Variants in MAMSTR observed in about 807,000 individuals in gnomAD.
MAMSTR encodes MEF2-activating motif and SAP domain-containing transcriptional regulator.
In MAMSTR, 41 loss-of-function variants were observed where a neutral mutation model predicts 42.7. The ratio of observed to expected loss-of-function variants is 0.96; its 90% CI spans 0.75 to 1.25. The LOEUF (loss-of-function observed/expected upper bound fraction) is 1.25. MAMSTR is among the 50% of genes most tolerant of loss of function. The pLI is 0.00. For synonymous variants in MAMSTR, 265 were observed against 244.1 expected, an observed-to-expected ratio of 1.09 and a Z score of -0.80; for missense variants, 567 against 557.6, an observed-to-expected ratio of 1.02 and a Z score of -0.17.
intron 2 of MAMSTR, among the ~76,000 whole-genome samples, chr19:48,717,842 C>T (rs184421691): frequency 6.6e-6 from 1 of 152,098 alleles, no homozygotes; most frequent in Admixed American, 6.5e-5. Flanking sequence ...GTAGCTGGGA[C>T]TAGAGGTGCA....
downstream of MAMSTR, among the ~76,000 whole-genome samples, chr19:48,709,714 C>T (rs1357192866): frequency 1.3e-5 from 2 of 152,166 alleles, no homozygotes; most frequent in African/African-American, 4.8e-5. Flanking sequence ...CCAGAGCCCA[C>T]ACCCCATCCA....
In MAMSTR at chr19:48,713,789, G is replaced by A; in HGVS notation, c.910-19C>T. ...GAAGCAACTGCGGATGGAGAAATTT[G>A]GCGTGAACTCGGGACTGCGACCTGG... On this transcript the variant is annotated intron_variant, in intron 8 of 9. Transcript: ENST00000318083. 6.2e-7 allele frequency: 1 copy of A among 1,614,202 alleles called. No homozygotes were observed. Among genetic ancestry groups the A allele is most frequent in the South Asian group, 1.1e-5 (1 of 91,084 alleles).
At chr19:48,705,765 G>A in the MAMSTR span, 1 of 166,884 alleles carries the variant, frequency 6.0e-6, no homozygotes, top group Non-Finnish European at 1.5e-5. Flanking sequence ...CAGTCATGGA[G>A]TTGGGTATTC....
chr19:48,715,154 G>C, intron 5 of MAMSTR, 108 bp downstream of exon 5: 1 of 951,888 alleles, frequency 1.1e-6, no homozygotes, highest in Non-Finnish European at 1.6e-6. Flanking sequence ...CCTGGGAGAA[G>C]AGAGGGTTGG....
chr19:48,711,390 C>A (rs1342995510), downstream of MAMSTR, among the ~76,000 whole-genome samples: 2 of 152,312 alleles, frequency 1.3e-5, no homozygotes, highest in East Asian at 1.9e-4. Context: ...ATCTGATGTG[C>A]CATCTTGTAT....
rs2032779925 is a variant in MAMSTR, at chr19:48,713,086, C to T, written c.*181G>A. 1 of 567,538 alleles carries T rather than the reference C, an allele frequency of 1.8e-6. No individual in the cohort carries two copies. 35.2% of individuals were successfully genotyped at this position (567,538 alleles called of 1,614,324 possible). On this transcript the variant is annotated 3_prime_UTR_variant, in exon 10 of 10. Transcript: ENST00000318083. ...ACGCCGGAGGGGGATCATAAGGAGG[C>T]CAGGTAGGCAAAGTTAAGGCAGTTG...
downstream of MAMSTR, among the ~76,000 whole-genome samples, chr19:48,710,497 C>T (rs979270093): frequency 6.7e-6 from 1 of 148,152 alleles, no homozygotes; most frequent in East Asian, 2.0e-4. Context: ...TCATAGCTCA[C>T]TGCAACCTCA....
chr19:48,714,455 G>C lies in MAMSTR; in HGVS notation c.634C>G (p.Pro212Ala). 1 of 1,358,976 alleles carries C rather than the reference G, an allele frequency of 7.4e-7. No individual in the cohort carries two copies. The highest frequency in any genetic ancestry group is 9.4e-7 in the Non-Finnish European group (1 of 1,066,886). 84.2% of individuals were successfully genotyped at this position (1,358,976 alleles called of 1,614,324 possible). A position where few individuals can be genotyped will look rare whatever the true frequency, so the allele number is the denominator to read the frequency against. ...GGACTGTCCTCGCGCCGCGGCTTCG[G>C]CCGCTCGCGGGGCGGCGCGCCGCCG... ...MRGGAPPRER[P>A]KPRREDSPAG... is the part of the protein sequence containing the mutation. Residue 212 changes from proline to alanine, a missense_variant, in exon 7 of 10, where the codon CCG becomes GCG. By Grantham distance (27) the Pro-to-Ala change is conservative (BLOSUM62 -1). Coordinates refer to ENST00000318083, the MANE Select transcript of MAMSTR (RefSeq NM_001130915.2).
chr19:48,717,437 C>T (rs547250811), intron 2 of MAMSTR, among the ~76,000 whole-genome samples: 92 of 151,784 alleles, frequency 6.1e-4, no homozygotes, highest in Non-Finnish European at 9.3e-4. Context: ...ACCTAAGTCT[C>T]CTGAGTACCT....
At chr19:48,707,083 G>A in the MAMSTR span, among the ~76,000 whole-genome samples, 11 of 151,650 alleles carry the variant, frequency 7.3e-5, no homozygotes, top group African/African-American at 1.9e-4. Flanking sequence ...TTCCAAAGTC[G>A]CAACATAGCA....
chr19:48,719,019 C>T lies in MAMSTR; in HGVS notation c.13G>A (p.Ala5Thr). The T allele has an allele frequency of 6.4e-7, 1 of 1,551,328 alleles. No individual in the cohort carries two copies. Among genetic ancestry groups the T allele is most frequent in the Non-Finnish European group, 8.7e-7 (1 of 1,146,872 alleles). Residue 5 changes from alanine to threonine, a missense_variant, in exon 2 of 10, where the codon GCT (alanine) becomes ACT (threonine). Ala to Thr is a moderately conservative substitution (Grantham distance 58). Coordinates refer to ENST00000318083, the MANE Select transcript of MAMSTR (RefSeq NM_001130915.2). The surrounding 1 kb of genome is among the most constrained non-coding windows in gnomAD (Gnocchi z 4.4). ...ATGATTTGGGAACGCTGGGAGGAAG[C>T]CGCCAGGGTCATTGCCAAGGCCGGG... Reference protein sequence around the residue: MTLAASSQRSQIIRS... With the variant: MTLATSSQRSQIIRS...
Position 48,716,788 on chromosome 19 carries a change from G to A in MAMSTR, c.59-45C>T, listed in dbSNP as rs1237729414. On this transcript the variant is annotated intron_variant, in intron 2 of 9. Coordinates refer to ENST00000318083, the MANE Select transcript of MAMSTR (RefSeq NM_001130915.2). Reference sequence around the variant, plus strand: ...GTGGGAGGAGGAAGGCGGGAAGGGAGTGTCCAGGAGCCTGGCCTGGCAGGC... The same window carrying A: ...GTGGGAGGAGGAAGGCGGGAAGGGAATGTCCAGGAGCCTGGCCTGGCAGGC... The A allele has an allele frequency of 1.1e-5, 14 of 1,276,096 alleles. No individual in the cohort carries two copies. The East Asian group carries it at 3.4e-4, about 31-fold the overall frequency. 79.0% of individuals were successfully genotyped at this position (1,276,096 alleles called of 1,614,324 possible). A position where few individuals can be genotyped will look rare whatever the true frequency, so the allele number is the denominator to read the frequency against.
rs760635061 is a variant in MAMSTR at position 48,715,382 on chromosome 19, T to G, written c.305A>C (p.Gln102Pro). 6.5e-7 allele frequency: 1 copy of G among 1,528,946 alleles called. No individual in the cohort carries two copies. The highest frequency in any genetic ancestry group is 8.7e-7 in the Non-Finnish European group (1 of 1,145,138). 94.7% of individuals were successfully genotyped at this position (1,528,946 alleles called of 1,614,324 possible). Residue 102 changes from glutamine (Q) to proline (P), a missense_variant, in exon 5 of 10, where the codon CAG (glutamine) becomes CCG (proline). Physicochemically the swap from Gln to Pro is moderately conservative, Grantham distance 76. Coordinates refer to ENST00000318083, the MANE Select transcript of MAMSTR (RefSeq NM_001130915.2). ...CTGTCTCGGCTCTGGGGGCATGTAC[T>G]GGTGGTATGTCAAGTTCCCCCTGGG... The part of the protein sequence containing the change: ...SKPRGNLTYH[Q>P]YMPPEPRQGS...
chr19:48,706,552 G>T, the MAMSTR span, among the ~76,000 whole-genome samples: 1 of 151,936 alleles, frequency 6.6e-6, no homozygotes, highest in Non-Finnish European at 1.5e-5. Context: ...CAGAAGAATC[G>T]CTTGAACCTG....
At chr19:48,715,970 G>A (rs2033007256) in intron 3 of MAMSTR, 1 of 1,380,108 alleles carries the variant, frequency 7.2e-7, no homozygotes, top group Admixed American at 3.7e-5. Context: ...AAGTAAAGCA[G>A]GAATTTTCTA....
chr19:48,707,871 G>GA (rs1555755194), downstream of MAMSTR, among the ~76,000 whole-genome samples: 1 of 110,322 alleles, frequency 9.1e-6, no homozygotes, highest in East Asian at 2.1e-4. Flanking sequence ...AAGAAAGAAA[G>GA]AAAGAAAGAA....
Position 48,715,438 on chromosome 19 carries a change from G to A in MAMSTR, c.249C>T (p.Pro83=). 3 of 1,494,306 alleles carry A rather than the reference G, an allele frequency of 2.0e-6. No individual in the cohort carries two copies. The highest frequency in any genetic ancestry group is 2.7e-6 in the Non-Finnish European group (3 of 1,126,998). 92.6% of individuals were successfully genotyped at this position (1,494,306 alleles called of 1,614,324 possible). A position where few individuals can be genotyped will look rare whatever the true frequency, so the allele number is the denominator to read the frequency against. ...PPWRSPKKES[P]KISQRWRESK... is the part of the protein sequence containing the mutation. Reference sequence around the variant, plus strand: ...ACTCCCTCCAACGTTGGGAGATCTTGGGAGACTCCTGAAAGAGCAGGTGTG... The same window carrying A: ...ACTCCCTCCAACGTTGGGAGATCTTAGGAGACTCCTGAAAGAGCAGGTGTG... The change falls in exon 5 of 10, where the codon CCC becomes CCT. Residue 83 remains proline, a synonymous_variant. Coordinates refer to ENST00000318083, the MANE Select transcript of MAMSTR (RefSeq NM_001130915.2).
At chr19:48,707,351 G>A in the MAMSTR span, among the ~76,000 whole-genome samples, 3 of 151,722 alleles carry the variant, frequency 2.0e-5, no homozygotes, top group Non-Finnish European at 2.9e-5. Context: ...GGGAGGTGGA[G>A]GTTGCAGTGA....
chr19:48,719,218 G>C lies in MAMSTR; in HGVS notation c.-21-166C>G, dbSNP rs1426037446. 6.6e-6 allele frequency among the ~76,000 whole-genome samples: 1 copy of C among 152,004 alleles called. No individual in the cohort carries two copies. Among genetic ancestry groups the C allele is most frequent in the South Asian group, 2.1e-4 (1 of 4,826 alleles). On this transcript the variant is annotated intron_variant, in intron 1 of 9. Transcript: ENST00000318083. This position sits in a 1 kb window ranked among gnomAD's most constrained non-coding sequence, Gnocchi z 4.4. ...CGGATCCCAGGGGCTGTAGAGGAGGGGGCTGCACACCCGGACACCTTGCTC... is the reference window on the plus strand; with the variant it reads ...CGGATCCCAGGGGCTGTAGAGGAGGCGGCTGCACACCCGGACACCTTGCTC...
Sources: gnomAD v4.1 joint callset for allele counts (sites outside exome capture counted in the v4.1 genomes callset) on GRCh38, gnomAD v4.1.1 for gene constraint, Gnocchi (gnomAD v3.1) non-coding constraint, MANE v1.5 for transcripts, NCBI Gene and HGNC (gene_info 2026-07-23, HGNC 2026-07-21) for gene names.